CRIM1: variants seen among roughly 807,000 people sequenced by gnomAD.
The protein encoded by CRIM1 is cysteine rich transmembrane BMP regulator 1.
In CRIM1, 32 loss-of-function variants were observed where a neutral mutation model predicts 116.4. That is an observed-to-expected ratio of 0.27 (90% CI 0.21 to 0.37). The LOEUF is 0.37. Among genes scored for constraint, CRIM1 ranks in the 10% least tolerant of loss-of-function variants. The pLI is 1.00. For synonymous variants in CRIM1, 590 were observed against 509.2 expected (o/e 1.16, Z -2.13); for missense variants, 1,331 against 1,354.8 (o/e 0.98, Z 0.28).
intron 7 of CRIM1, among the ~76,000 whole-genome samples, chr2:36,487,378 A>G (rs904538363): frequency 1.3e-5 from 2 of 152,208 alleles, no homozygotes; most frequent in African/African-American, 2.4e-5. Flanking sequence ...GTTATATGGG[A>G]AAAATGTATA....
chr2:36,472,961 A>T (rs1448859566), intron 5 of CRIM1, among the ~76,000 whole-genome samples: 1 of 152,228 alleles, frequency 6.6e-6, no homozygotes, highest in Non-Finnish European at 1.5e-5. Context: ...TGTTGTATCC[A>T]TGTAGCACTA....
intron 2 of CRIM1, among the ~76,000 whole-genome samples, chr2:36,416,502 A>G (rs1341482208): frequency 6.6e-6 from 1 of 152,216 alleles, no homozygotes; most frequent in East Asian, 1.9e-4. Context: ...AAACACATTC[A>G]GAATTTAGAA....
intron 2 of CRIM1, among the ~76,000 whole-genome samples, chr2:36,402,707 G>T (rs576572525): frequency 4.0e-5 from 6 of 149,588 alleles, no homozygotes; most frequent in Non-Finnish European, 8.9e-5. Context: ...GAGAGCTGGA[G>T]ATGAAGAGAA....
intron 7 of CRIM1, among the ~76,000 whole-genome samples, chr2:36,482,613 A>G (rs1161506395): frequency 6.6e-6 from 1 of 152,262 alleles, no homozygotes; most frequent in African/African-American, 2.4e-5. Context: ...GCAATAAATA[A>G]GCAATCACCC....
intron 2 of CRIM1, among the ~76,000 whole-genome samples, chr2:36,433,321 T>C (rs1211992542): frequency 6.6e-6 from 1 of 152,186 alleles, no homozygotes; most frequent in African/African-American, 2.4e-5. Flanking sequence ...ATGAATGCAA[T>C]TCCATAACAT....
chr2:36,472,814 A>G (rs2125029312), intron 5 of CRIM1, among the ~76,000 whole-genome samples: 1 of 152,308 alleles, frequency 6.6e-6, no homozygotes. Flanking sequence ...TCCGTTTTCT[A>G]TACTTTTTGG....
Position 36,355,907 on chromosome 2 carries a change from A to T in CRIM1, c.-386A>T, listed in dbSNP as rs1668764384. 2.0e-5 allele frequency: 3 copies of T among 151,548 alleles called. No homozygotes were observed. Among genetic ancestry groups the T allele is most frequent in the Admixed American group, 6.6e-5 (1 of 15,212 alleles). The allele number at this position is 151,548 out of a possible 1,614,324, so 9.4% of individuals were successfully genotyped here. A position where few individuals can be genotyped will look rare whatever the true frequency, so the allele number is the denominator to read the frequency against. On this transcript the variant is annotated 5_prime_UTR_variant, in exon 1 of 17. Transcript: ENST00000280527. ...GCCGCTGCGGGGCCGGCCGACTCGG[A>T]GGAGGAGAGGGAGGAGGCGCCGCCG...
At chr2:36,541,048 A>C (rs540761887) in intron 14 of CRIM1, among the ~76,000 whole-genome samples, 1 of 152,296 alleles carries the variant, frequency 6.6e-6, no homozygotes, top group South Asian at 2.1e-4. Context: ...TCTTTAAGCA[A>C]ATACTGCAAT....
chr2:36,447,262 G>A (rs189949087), intron 4 of CRIM1, among the ~76,000 whole-genome samples: 3 of 152,154 alleles, frequency 2.0e-5, no homozygotes, highest in Admixed American at 2.0e-4. Flanking sequence ...TGAAAACCCT[G>A]TGCTCTTTCC....
intron 5 of CRIM1, among the ~76,000 whole-genome samples, chr2:36,469,701 T>A (rs1678338955): frequency 6.6e-6 from 1 of 152,170 alleles, no homozygotes; most frequent in African/African-American, 2.4e-5. Context: ...ATATAGCAAT[T>A]ATGCTCATAA....
chr2:36,475,757 A>G (rs570086135), intron 5 of CRIM1, among the ~76,000 whole-genome samples: 3 of 152,332 alleles, frequency 2.0e-5, no homozygotes, highest in South Asian at 2.1e-4. Context: ...GTTCCGTTCT[A>G]TTCCTAGTTG....
At chr2:36,540,097 G>A (rs1666845700) in intron 14 of CRIM1, among the ~76,000 whole-genome samples, 1 of 152,108 alleles carries the variant, frequency 6.6e-6, no homozygotes, top group African/African-American at 2.4e-5. Context: ...GAAGCCAAGA[G>A]GGTCAGTGAC....
chr2:36,531,003 C>T (rs1666077512), intron 13 of CRIM1, among the ~76,000 whole-genome samples: 1 of 152,192 alleles, frequency 6.6e-6, no homozygotes, highest in African/African-American at 2.4e-5. Context: ...GCCTTGATCT[C>T]AATGTGTGGG....
chr2:36,412,424 C>G (rs550468969), intron 2 of CRIM1, among the ~76,000 whole-genome samples: 1 of 152,128 alleles, frequency 6.6e-6, no homozygotes, highest in Non-Finnish European at 1.5e-5. Flanking sequence ...ATTTGGCCAT[C>G]GAGAGATTGG....
intron 8 of CRIM1, among the ~76,000 whole-genome samples, chr2:36,500,228 G>A (rs1382836485): frequency 6.6e-6 from 1 of 152,174 alleles, no homozygotes; most frequent in African/African-American, 2.4e-5. Context: ...CTACTCGGGA[G>A]GCTGAGGTGG....
At chr2:36,426,657 G>T (rs895349204) in intron 2 of CRIM1, among the ~76,000 whole-genome samples, 1 of 152,122 alleles carries the variant, frequency 6.6e-6, no homozygotes, top group Non-Finnish European at 1.5e-5. Flanking sequence ...AAATTACTTA[G>T]AGTAGAAATT....
chr2:36,417,364 A>C (rs1019425789), intron 2 of CRIM1, among the ~76,000 whole-genome samples: 2 of 152,164 alleles, frequency 1.3e-5, no homozygotes, highest in Admixed American at 1.3e-4. Flanking sequence ...AGCAATATTA[A>C]CATATTTCAA....
intron 2 of CRIM1, among the ~76,000 whole-genome samples, chr2:36,436,500 T>A (rs558796590): frequency 1.3e-5 from 2 of 152,318 alleles, no homozygotes; most frequent in African/African-American, 4.8e-5. Context: ...TTAAAGTAAG[T>A]GCTGGAAATT....
chr2:36,451,978 A>C (rs1488968101), intron 4 of CRIM1, among the ~76,000 whole-genome samples: 1 of 152,116 alleles, frequency 6.6e-6, no homozygotes, highest in Non-Finnish European at 1.5e-5. Context: ...TATCATGCCT[A>C]CTCAAGCTAA....
Sources: gnomAD v4.1 joint callset for allele counts (sites outside exome capture counted in the v4.1 genomes callset) on GRCh38, gnomAD v4.1.1 for gene constraint, MANE v1.5 for transcripts, NCBI Gene and HGNC (gene_info 2026-07-23, HGNC 2026-07-21) for gene names.